The following SGK3 variants were observed in gnomAD, a reference collection of about 807,000 sequenced individuals.
SGK3 encodes the protein serum/glucocorticoid regulated kinase family member 3.
SGK3 carries 47 observed loss-of-function variants against 68.5 expected under a neutral mutation model. The observed-to-expected ratio is 0.69, with a 90% CI of 0.54 to 0.87. The LOEUF is 0.87. SGK3 is among the 40% of genes least tolerant of loss of function. The pLI is 0.00. For missense variants in SGK3, 479 were observed against 575.5 expected (o/e 0.83, Z 1.72); for synonymous variants, 181 against 189.1 (o/e 0.96, Z 0.35).
At chr8:66,765,560 A>AT (rs1806289816) in intron 1 of SGK3, among the ~76,000 whole-genome samples, 1 of 151,612 alleles carries the variant, frequency 6.6e-6, no homozygotes. Context: ...TTGATTTGAG[A>AT]TTTTTTTTCT....
intron 16 of SGK3, among the ~76,000 whole-genome samples, chr8:66,859,115 A>C (rs1810652852): frequency 6.6e-6 from 1 of 152,042 alleles, no homozygotes. Context: ...GGTGAATCAC[A>C]AGGTCAGGAG....
chr8:66,811,839 G>A (rs968284519), intron 4 of SGK3, among the ~76,000 whole-genome samples: 2 of 152,128 alleles, frequency 1.3e-5, no homozygotes, highest in African/African-American at 2.4e-5. Flanking sequence ...TTCAGTTCTC[G>A]AGAAATAACT....
At chr8:66,746,449 A>G (rs1453600725) in intron 1 of SGK3, among the ~76,000 whole-genome samples, 4 of 152,120 alleles carry the variant, frequency 2.6e-5, no homozygotes, top group African/African-American at 7.2e-5. Context: ...GGTAGCTCAC[A>G]CCTGTAGTCC....
chr8:66,720,095 A>G (rs973794074), intron 1 of SGK3, among the ~76,000 whole-genome samples: 1 of 152,204 alleles, frequency 6.6e-6, no homozygotes, highest in Non-Finnish European at 1.5e-5. Flanking sequence ...TTGGAAATTT[A>G]TACTACCGCT....
chr8:66,813,287 A>G (rs1432646235), intron 4 of SGK3, among the ~76,000 whole-genome samples: 1 of 152,230 alleles, frequency 6.6e-6, no homozygotes, highest in East Asian at 1.9e-4. Flanking sequence ...AAAAGAAAAT[A>G]CTGTACAATT....
At chr8:66,770,878 G>A (rs1024677765) in intron 1 of SGK3, among the ~76,000 whole-genome samples, 5 of 152,118 alleles carry the variant, frequency 3.3e-5, no homozygotes, top group African/African-American at 1.2e-4. Flanking sequence ...CTCAACTCAG[G>A]TAGTCTGCTG....
At chr8:66,766,989 C>T (rs1806339800) in intron 1 of SGK3, among the ~76,000 whole-genome samples, 1 of 152,224 alleles carries the variant, frequency 6.6e-6, no homozygotes, top group African/African-American at 2.4e-5. Flanking sequence ...GCTGGGATTA[C>T]AAGCATGCAC....
chr8:66,786,525 A>G (rs538799576), intron 1 of SGK3, among the ~76,000 whole-genome samples: 1 of 152,334 alleles, frequency 6.6e-6, no homozygotes, highest in South Asian at 2.1e-4. Flanking sequence ...TTACTTAAGG[A>G]GAGTTGATGT....
At chr8:66,742,380 T>C (rs1380696541) in intron 1 of SGK3, among the ~76,000 whole-genome samples, 1 of 152,172 alleles carries the variant, frequency 6.6e-6, no homozygotes. Flanking sequence ...GTCTGTTTGT[T>C]TTTTAGAGAC....
At chr8:66,747,297 T>C (rs1270370411) in intron 1 of SGK3, among the ~76,000 whole-genome samples, 2 of 152,218 alleles carry the variant, frequency 1.3e-5, no homozygotes, top group African/African-American at 4.8e-5. Flanking sequence ...GTTGTTGTTG[T>C]TGTTTTTGAG....
intron 6 of SGK3, among the ~76,000 whole-genome samples, chr8:66,826,193 G>A (rs35063782): frequency 0.02 from 3,105 of 152,034 alleles, 108 homozygotes; most frequent in African/African-American, 0.07. Flanking sequence ...GGCTGGTCTC[G>A]AACTCTTGAC....
In SGK3 at chr8:66,814,706, G is replaced by A. The variant is rs149593998; in HGVS notation, c.329+778G>A. On this transcript the variant is annotated intron_variant, in intron 5 of 16. Coordinates refer to ENST00000521198, the MANE Select transcript of SGK3 (RefSeq NM_001033578.3). ...GTCCAGCAGCCATTAAGATAAAGGCGCTTTCCCAGCCCTGTGGGTGTCTCA... is the reference window on the plus strand; with the variant it reads ...GTCCAGCAGCCATTAAGATAAAGGCACTTTCCCAGCCCTGTGGGTGTCTCA... 5.6e-3 allele frequency among the ~76,000 whole-genome samples: 855 copies of A among 152,306 alleles called. 11 individuals carry two copies. The highest frequency in any genetic ancestry group is 0.018 in the African/African-American group (755 of 41,576).
chr8:66,723,131 A>ATATATATATATATTT (rs1554591219), intron 1 of SGK3, among the ~76,000 whole-genome samples: 1 of 29,496 alleles, frequency 3.4e-5, no homozygotes, highest in Non-Finnish European at 5.9e-5. Context: ...ATATATATAT[A>ATATATATATATATTT]TTTTTTTTTT....
chr8:66,722,607 A>AT (rs1173624378), intron 1 of SGK3, among the ~76,000 whole-genome samples: 1 of 152,204 alleles, frequency 6.6e-6, no homozygotes, highest in Non-Finnish European at 1.5e-5. Context: ...TCCCAACAAC[A>AT]TGGTGCTAAA....
intron 1 of SGK3, among the ~76,000 whole-genome samples, chr8:66,733,143 CAG>C (rs1341599908): frequency 6.6e-6 from 1 of 152,092 alleles, no homozygotes; most frequent in African/African-American, 2.4e-5. Context: ...GGATAACAAA[CAG>C]AAGAATCCAG....
intron 1 of SGK3, among the ~76,000 whole-genome samples, chr8:66,756,847 T>C (rs1805993372): frequency 6.6e-6 from 1 of 151,824 alleles, no homozygotes; most frequent in Non-Finnish European, 1.5e-5. Flanking sequence ...TGCCTCGGCC[T>C]CCCAAAGTGC....
At chr8:66,798,800 G>T (rs1345901576) in intron 3 of SGK3, among the ~76,000 whole-genome samples, 175 bp downstream of exon 3, 1 of 152,128 alleles carries the variant, frequency 6.6e-6, no homozygotes, top group Non-Finnish European at 1.5e-5. Flanking sequence ...TCAAAGAAAG[G>T]GTAGAGAGAG....
intron 15 of SGK3, among the ~76,000 whole-genome samples, chr8:66,850,292 G>A (rs940243862): frequency 6.6e-6 from 1 of 152,144 alleles, no homozygotes; most frequent in Admixed American, 6.5e-5. Flanking sequence ...ATACACTCCT[G>A]TGGCACCTTG....
chr8:66,785,985 G>C (rs181693372), intron 1 of SGK3, among the ~76,000 whole-genome samples: 1 of 152,270 alleles, frequency 6.6e-6, no homozygotes, highest in Non-Finnish European at 1.5e-5. Flanking sequence ...CTCCCAAAAA[G>C]TCCCAGTTTT....
Sources: gnomAD v4.1 joint callset for allele counts (sites outside exome capture counted in the v4.1 genomes callset) on GRCh38, gnomAD v4.1.1 for gene constraint, MANE v1.5 for transcripts, NCBI Gene and HGNC (gene_info 2026-07-23, HGNC 2026-07-21) for gene names.